The following NEK5 variants were observed in gnomAD, a reference collection of about 807,000 sequenced individuals.
The protein encoded by NEK5 is serine/threonine-protein kinase Nek5.
Under a neutral mutation model 109.2 loss-of-function variants are expected in NEK5, and 88 were observed. That is an observed-to-expected ratio of 0.81 (90% confidence interval 0.68 to 0.96). NEK5 has a LOEUF of 0.96. Ranked by LOEUF, NEK5 falls within the 40% of genes least tolerant of loss-of-function variation. The pLI is 0.00. For synonymous variants in NEK5, 283 were observed against 299.9 expected (o/e 0.94, Z 0.58); for missense variants, 834 against 920.7 (o/e 0.91, Z 1.22).
intron 22 of NEK5, among the ~76,000 whole-genome samples, chr13:52,058,713 T>C (rs1354501521): frequency 6.6e-6 from 1 of 152,108 alleles, no homozygotes; most frequent in Non-Finnish European, 1.5e-5. Context: ...AAGGATTCCC[T>C]ATTTAATAAA....
intron 20 of NEK5, among the ~76,000 whole-genome samples, chr13:52,068,694 C>T (rs746385327): frequency 1.3e-5 from 2 of 152,146 alleles, no homozygotes; most frequent in South Asian, 2.1e-4. Flanking sequence ...GTTGGCCAGG[C>T]GTGGTGGCTC....
At chr13:52,064,197 C>T (rs1421435089) in intron 21 of NEK5, among the ~76,000 whole-genome samples, 25 of 136,832 alleles carry the variant, frequency 1.8e-4, no homozygotes, top group Middle Eastern at 4.2e-3. Flanking sequence ...GCCCCCCGCC[C>T]GGCCAGCCGC....
chr13:52,079,413 C>G (rs1954930435), intron 17 of NEK5, among the ~76,000 whole-genome samples: 1 of 152,230 alleles, frequency 6.6e-6, no homozygotes, highest in South Asian at 2.1e-4. Flanking sequence ...GATTCTCCTG[C>G]CTCAGCCTGC....
At chr13:52,100,024 C>G (rs1261535950) in intron 11 of NEK5, 148 bp from the exon 12 acceptor site, 6 of 553,490 alleles carry the variant, frequency 1.1e-5, no homozygotes, top group Admixed American at 3.7e-5. Flanking sequence ...AGTGAGAGTA[C>G]TGATGAAAAA....
At chr13:52,128,645 T>C (rs1566841895) in intron 1 of NEK5, among the ~76,000 whole-genome samples, 1 of 151,954 alleles carries the variant, frequency 6.6e-6, no homozygotes, top group Non-Finnish European at 1.5e-5. Flanking sequence ...CACCGGAGGA[T>C]CGGGTTCTGA....
chr13:52,100,723 G>C (rs903782969), intron 11 of NEK5, among the ~76,000 whole-genome samples: 2 of 151,990 alleles, frequency 1.3e-5, no homozygotes, highest in Non-Finnish European at 2.9e-5. Flanking sequence ...AAAAAAAATT[G>C]TTCTTGTTCT....
At chr13:52,095,490 C>T (rs557261057) in intron 12 of NEK5, among the ~76,000 whole-genome samples, 3 of 152,300 alleles carry the variant, frequency 2.0e-5, no homozygotes, top group African/African-American at 4.8e-5. Context: ...TTCAACAGTT[C>T]GTAATTTAAT....
At chr13:52,105,043 G>A (rs939061128) in intron 8 of NEK5, among the ~76,000 whole-genome samples, 4 of 152,114 alleles carry the variant, frequency 2.6e-5, no homozygotes, top group Non-Finnish European at 4.4e-5. Context: ...CATGAGCTTT[G>A]CTCCTTACAG....
intron 4 of NEK5, among the ~76,000 whole-genome samples, chr13:52,118,737 G>C (rs1176157584): frequency 1.3e-5 from 2 of 152,096 alleles, no homozygotes; most frequent in African/African-American, 4.8e-5. Context: ...GTGGCTGTTT[G>C]CTGGCTCTCT....
intron 22 of NEK5, among the ~76,000 whole-genome samples, chr13:52,054,829 T>C (rs1457826880): frequency 4.6e-5 from 7 of 151,822 alleles, no homozygotes; most frequent in Admixed American, 3.9e-4. Flanking sequence ...CAAAAGTAGA[T>C]AAAACCACAA....
rs879444318 is a variant in NEK5 at position 52,058,932 on chromosome 13, C to T, written c.2110+2887G>A. ...TCTAAAACACCAAAAGCAATGGCAA[C>T]AAAAGCCAAAATTGACAAATGGGAT... On this transcript the variant is annotated intron_variant, in intron 22 of 23. Coordinates refer to ENST00000684899, the MANE Select transcript of NEK5 (RefSeq NM_001365552.1). Among the ~76,000 whole-genome samples the T allele has an allele frequency of 2.7e-3, 393 of 148,246 alleles. 1 individual carries two copies. The highest frequency in any genetic ancestry group is 4.5e-3 in the Non-Finnish European group (299 of 66,308).
Position 52,083,785 on chromosome 13 carries a change from C to T in NEK5, c.1480-433G>A, listed in dbSNP as rs569350597. 2.0e-5 allele frequency among the ~76,000 whole-genome samples: 3 copies of T among 152,316 alleles called. No individual in the cohort carries two copies. In the South Asian group the frequency reaches 6.2e-4, roughly 32 times the overall value. On this transcript the variant is annotated intron_variant, in intron 16 of 23. Coordinates refer to ENST00000684899, the MANE Select transcript of NEK5 (RefSeq NM_001365552.1). Reference sequence around the variant, plus strand: ...TCTCCCGACCTCGTGATCCGCCCACCTCAGCCTCCCAAAGTGCTGGGATTA... The same window carrying T: ...TCTCCCGACCTCGTGATCCGCCCACTTCAGCCTCCCAAAGTGCTGGGATTA...
intron 22 of NEK5, among the ~76,000 whole-genome samples, chr13:52,056,102 G>T (rs368595169): frequency 6.6e-6 from 1 of 151,828 alleles, no homozygotes; most frequent in Non-Finnish European, 1.5e-5. Flanking sequence ...GATGGAGGAA[G>T]ATCTACCAAG....
At chr13:52,097,083 C>G (rs886445163) in intron 12 of NEK5, among the ~76,000 whole-genome samples, 11 of 152,230 alleles carry the variant, frequency 7.2e-5, no homozygotes, top group Non-Finnish European at 1.3e-4. Flanking sequence ...GGTGTTAAGT[C>G]TGCAGATGCA....
intron 17 of NEK5, among the ~76,000 whole-genome samples, chr13:52,080,036 C>T (rs1342922933): frequency 3.3e-5 from 5 of 151,668 alleles, no homozygotes; most frequent in Non-Finnish European, 1.5e-5. Flanking sequence ...ACCGCCCCGT[C>T]TAAGAAGTGA....
chr13:52,093,897 C>T (rs1268829752), intron 12 of NEK5, among the ~76,000 whole-genome samples: 1 of 152,102 alleles, frequency 6.6e-6, no homozygotes, highest in Non-Finnish European at 1.5e-5. Context: ...TATACCTTAC[C>T]ATACTTTACA....
chr13:52,077,856 C>T (rs556566160), intron 17 of NEK5, among the ~76,000 whole-genome samples: 144 of 152,268 alleles, frequency 9.5e-4, no homozygotes, highest in African/African-American at 3.3e-3. Flanking sequence ...GGGTGGATCA[C>T]CTCAGGTCGG....
rs201210682 is a variant in NEK5 at position 52,102,213 on chromosome 13, C to T, written c.689G>A (p.Arg230His). The T allele has an allele frequency of 1.2e-5, 20 of 1,613,834 alleles. No individual in the cohort carries two copies. Among genetic ancestry groups the T allele is most frequent in the East Asian group, 2.2e-5 (1 of 44,870 alleles). ...CTGAGATATCAAGGAATGGAGCTCA[C>T]GAGAAAACCCCGGAGATATTGGGGC... is the stretch of plus-strand genomic sequence containing the variant. ...HFAPISPGFS[R>H]ELHSLISQLF... The change falls in exon 10 of 24, where the codon CGT (arginine) becomes CAT (histidine). Residue 230 changes from arginine (R) to histidine (H), a missense_variant. Arg to His is a conservative substitution (Grantham distance 29, BLOSUM62 0). Transcript: ENST00000684899.
chr13:52,071,828 A>C (rs532224353), intron 20 of NEK5, 116 bp downstream of exon 20: 1 of 854,794 alleles, frequency 1.2e-6, no homozygotes, highest in Admixed American at 2.2e-5. Flanking sequence ...TTGCTTAGAG[A>C]GGGCAGAAAG....
Sources: gnomAD v4.1 joint callset for allele counts (sites outside exome capture counted in the v4.1 genomes callset) on GRCh38, gnomAD v4.1.1 for gene constraint, MANE v1.5 for transcripts, NCBI Gene and HGNC (gene_info 2026-07-23, HGNC 2026-07-21) for gene names.